ANO1: variants seen among roughly 807,000 people sequenced by gnomAD.
ANO1 encodes the protein anoctamin 1.
A neutral mutation model predicts 124.0 loss-of-function variants in ANO1; 59 were observed. The observed-to-expected ratio is 0.48, with a 90% CI of 0.39 to 0.59. The LOEUF (loss-of-function observed/expected upper bound fraction) is 0.59. ANO1 is among the 20% of genes least tolerant of loss of function. The probability of loss-of-function intolerance (pLI) is 0.00; values close to 1 mark genes in which losing one functional copy is unlikely to be tolerated. For synonymous variants in ANO1, 529 were observed against 532.0 expected (o/e 0.99, Z 0.08); for missense variants, 1,059 against 1,328.0 (o/e 0.80, Z 3.15).
In ANO1 at chr11:70,132,003, C is replaced by T. The variant is rs1297100294; in HGVS notation, c.1182C>T (p.Ala394=). ...KTCSYWKMSS[A]CATARASHLF... ...GCAGCTACTGGAAGATGAGCTCAGC[C>T]TGCGCCACGGCCCGCGCCAGCCACC... is the stretch of plus-strand genomic sequence containing the variant. Residue 394 remains alanine (A), a synonymous_variant, in exon 11 of 26, where the codon GCC becomes GCT. Coordinates refer to ENST00000355303, the MANE Select transcript of ANO1 (RefSeq NM_018043.7). 1.9e-6 allele frequency: 3 copies of T among 1,609,336 alleles called. No homozygotes were observed. Among genetic ancestry groups the T allele is most frequent in the Non-Finnish European group, 1.7e-6 (2 of 1,179,280 alleles).
Position 70,155,911 on chromosome 11 carries a change from A to C in ANO1, c.1426A>C (p.Lys476Gln). ...CTCTCTTTCCCCCACCCCCCCTCAG[A>C]AGCGCCGGCATATTCCAGAGGAGTC... ...SLKKESRNKE[K>Q]RRHIPEESTN... The change falls in exon 15 of 26, where the codon AAG becomes CAG. Residue 476 changes from lysine to glutamine, a missense_variant and splice_region_variant. This residue lies in a region of ANO1 where 809 missense variants were observed against 1,094.9 expected (regional missense o/e 0.74). Coordinates refer to ENST00000355303, the MANE Select transcript of ANO1 (RefSeq NM_018043.7). 6.9e-7 allele frequency: 1 copy of C among 1,452,794 alleles called. No homozygotes were observed. Among genetic ancestry groups the C allele is most frequent in the Non-Finnish European group, 9.3e-7 (1 of 1,072,038 alleles). The allele number at this position is 1,452,794 out of a possible 1,614,324, so 90.0% of individuals were successfully genotyped here. A position where few individuals can be genotyped will look rare whatever the true frequency, so the allele number is the denominator to read the frequency against.
intron 1 of ANO1, among the ~76,000 whole-genome samples, chr11:70,035,699 C>G (rs1483177997): frequency 6.6e-6 from 1 of 152,094 alleles, no homozygotes; most frequent in African/African-American, 2.4e-5. Context: ...CTCCCCACCC[C>G]CTGACAGGCC....
chr11:70,124,572 T>A (rs187354241), intron 9 of ANO1, among the ~76,000 whole-genome samples, 158 bp downstream of exon 9: 4 of 152,354 alleles, frequency 2.6e-5, no homozygotes, highest in Non-Finnish European at 5.9e-5. Flanking sequence ...CCTGCAGGGC[T>A]GAGAGCCTGG....
Position 70,182,695 on chromosome 11 carries a change from C to T in ANO1, c.2588+9C>T. 1.3e-6 allele frequency: 2 copies of T among 1,510,842 alleles called. No homozygotes were observed. The highest frequency in any genetic ancestry group is 8.9e-7 in the Non-Finnish European group (1 of 1,128,918). 93.6% of individuals were successfully genotyped at this position (1,510,842 alleles called of 1,614,324 possible). On this transcript the variant is annotated intron_variant, in intron 24 of 25. Coordinates refer to ENST00000355303, the MANE Select transcript of ANO1 (RefSeq NM_018043.7). ...GAGGTGCAGATCTGCAGGTACTGCT[C>T]TCTGCTCCCCTCTTTGAAAAGCCAC...
rs1356229166 is a variant in ANO1, at chr11:70,009,423, G to T, written c.58+23257G>T. On this transcript the variant is annotated intron_variant, in intron 1 of 27. Coordinates refer to the ANO1 transcript ENST00000531349. ...TCACCTGGGGCCTCTGACATCTGCT[G>T]CTGTCATGTCTGACTGTACCAAGTG... 2.6e-5 allele frequency among the ~76,000 whole-genome samples: 4 copies of T among 152,222 alleles called. No individual in the cohort carries two copies. In the East Asian group the frequency reaches 7.7e-4, roughly 29 times the overall value.
At chr11:70,156,065 A>G (rs2047804305) in intron 15 of ANO1, 77 bp downstream of exon 15, 15 of 1,302,790 alleles carry the variant, frequency 1.2e-5, no homozygotes, top group Non-Finnish European at 1.4e-5. Flanking sequence ...TTTCCTCAAC[A>G]AACTGTTGTA....
intron 8 of ANO1, among the ~76,000 whole-genome samples, chr11:70,120,591 A>G (rs1235227321): frequency 3.3e-5 from 5 of 152,082 alleles, no homozygotes; most frequent in African/African-American, 1.2e-4. Flanking sequence ...CATTCATTCA[A>G]CAGTCACTTA....
the ANO1 span, among the ~76,000 whole-genome samples, chr11:69,972,108 A>T: frequency 6.8e-6 from 1 of 147,944 alleles, no homozygotes; most frequent in Non-Finnish European, 1.5e-5. Context: ...AATCGCTTGA[A>T]CCCAGGAGGC....
upstream of ANO1, among the ~76,000 whole-genome samples, chr11:70,074,549 A>C (rs1032726590): frequency 2.6e-5 from 4 of 152,138 alleles, no homozygotes; most frequent in Non-Finnish European, 5.9e-5. Context: ...AGCCAAGTAC[A>C]TCACCTCTCC....
chr11:69,997,878 C>G (rs1008979119), intron 1 of ANO1, among the ~76,000 whole-genome samples: 1 of 152,174 alleles, frequency 6.6e-6, no homozygotes, highest in East Asian at 1.9e-4. Context: ...CCTGAGGCCT[C>G]CCCAGAAGCA....
chr11:70,019,734 G>A (rs1039317848), intron 1 of ANO1, among the ~76,000 whole-genome samples: 3 of 152,240 alleles, frequency 2.0e-5, no homozygotes, highest in African/African-American at 7.2e-5. Flanking sequence ...GCTCTTCTCA[G>A]CCCCTTGGGT....
At chr11:70,181,784 A>T (rs1294171973) in intron 23 of ANO1, among the ~76,000 whole-genome samples, 1 of 152,094 alleles carries the variant, frequency 6.6e-6, no homozygotes, top group East Asian at 1.9e-4. Context: ...CTCTGAAAAA[A>T]AAAAAAAAAG....
intron 1 of ANO1, among the ~76,000 whole-genome samples, chr11:70,066,780 G>A (rs538145277): frequency 2.0e-5 from 3 of 152,216 alleles, no homozygotes; most frequent in African/African-American, 7.2e-5. Flanking sequence ...AAAGCACCCC[G>A]GAGGCTGTCC....
At chr11:70,163,843 C>G (rs2048150253) in intron 19 of ANO1, among the ~76,000 whole-genome samples, 1 of 151,428 alleles carries the variant, frequency 6.6e-6, no homozygotes, top group African/African-American at 2.4e-5. Context: ...GAGGCTGAGG[C>G]ATGAGAATCG....
At chr11:70,112,358 A>C (rs2045817923) in intron 7 of ANO1, among the ~76,000 whole-genome samples, 1 of 152,282 alleles carries the variant, frequency 6.6e-6, no homozygotes, top group African/African-American at 2.4e-5. Flanking sequence ...GAAACTTTGC[A>C]AATGTGCAAA....
chr11:70,034,280 G>A (rs1857057499), intron 1 of ANO1, among the ~76,000 whole-genome samples: 1 of 152,130 alleles, frequency 6.6e-6, no homozygotes, highest in Non-Finnish European at 1.5e-5. Context: ...GCTGTCGGGA[G>A]GGGCAGGCAC....
intron 1 of ANO1, among the ~76,000 whole-genome samples, chr11:70,053,219 T>G (rs549490321): frequency 4.3e-4 from 65 of 152,338 alleles, no homozygotes; most frequent in African/African-American, 1.6e-3. Context: ...ATCATGCTTT[T>G]GGGGATAAAG....
At chr11:70,091,129 C>T (rs909280561) in intron 2 of ANO1, among the ~76,000 whole-genome samples, 21 of 152,168 alleles carry the variant, frequency 1.4e-4, no homozygotes, top group Non-Finnish European at 2.9e-4. Context: ...CCCCTGCCAG[C>T]GTGGTTAGCA....
intron 1 of ANO1, among the ~76,000 whole-genome samples, chr11:70,059,046 G>C (rs1218662257): frequency 4.0e-5 from 6 of 151,860 alleles, no homozygotes; most frequent in Admixed American, 3.3e-4. Context: ...CAAAAAATTA[G>C]CTGGGCGTGG....
Sources: allele counts gnomAD v4.1 joint callset (sites outside exome capture counted in the v4.1 genomes callset), GRCh38; gene constraint gnomAD v4.1.1; regional missense constraint gnomAD v4.1.1; transcripts MANE v1.5; gene names NCBI Gene and HGNC (gene_info 2026-07-23, HGNC 2026-07-21).